HSPB7: variants seen among roughly 807,000 people sequenced by gnomAD.
HSPB7 encodes heat shock protein family B (small) member 7, also known as heat shock protein beta-7.
HSPB7 carries 9 observed loss-of-function variants against 11.0 expected under a neutral mutation model. The ratio of observed to expected loss-of-function variants is 0.82; its 90% CI spans 0.49 to 1.43. HSPB7 has a LOEUF of 1.43. Among genes scored for constraint, HSPB7 ranks in the 40% most tolerant of loss-of-function variants. The pLI, the probability that HSPB7 is intolerant of heterozygous loss-of-function variation, is 0.00. For missense variants in HSPB7, 246 were observed against 243.9 expected (o/e 1.01, Z -0.06); for synonymous variants, 102 against 101.6 (o/e 1.00, Z -0.02).
In HSPB7 at chr1:16,017,931, C is replaced by G; in HGVS notation, c.33G>C (p.Ala11=). Residue 11 remains alanine (A), a synonymous_variant, in exon 1 of 3, where the codon GCG becomes GCC. Coordinates refer to ENST00000311890, the MANE Select transcript of HSPB7 (RefSeq NM_014424.5). ...AGGAAGAGGAATGGAAACTTCTCTC[C>G]GCTCGGAAGGTGGAAGAGGTTCTGT... MSHRTSSTFR[A]ERSFHSSSSS... 6.2e-7 allele frequency: 1 copy of G among 1,613,404 alleles called. No individual in the cohort carries two copies. The highest frequency in any genetic ancestry group is 8.5e-7 in the Non-Finnish European group (1 of 1,179,674).
chr1:16,019,391 C>G, upstream of HSPB7: 1 of 1,506,000 alleles, frequency 6.6e-7, no homozygotes. Flanking sequence ...TTCCTGTGTG[C>G]TGTGACTCTC....
upstream of HSPB7, chr1:16,019,339 C>G: frequency 7.0e-7 from 1 of 1,435,734 alleles, no homozygotes; most frequent in African/African-American, 1.4e-5. Flanking sequence ...CCAGCACTGA[C>G]TGTCTTTGTC....
In HSPB7 at chr1:16,015,636, G is replaced by A. The variant is rs754084618; in HGVS notation, c.457C>T (p.Arg153Cys). The change falls in exon 3 of 3, where the codon CGT becomes TGT. Residue 153 changes from arginine to cysteine, a missense_variant. Arg to Cys is a radical substitution (Grantham distance 180). Transcript: ENST00000311890. This position sits in a 1 kb window ranked among gnomAD's most constrained non-coding sequence, Gnocchi z 4.9. ...EDGSLTIRAR[R>C]HPHTEHVQQT... ...TGGACGTGTTCTGTATGCGGGTGAC[G>A]CCGTGCCCGGATAGTGAGGCTGCCG... 9 of 1,613,872 alleles carry A rather than the reference G, an allele frequency of 5.6e-6. No individual in the cohort carries two copies. The African/African-American group carries it at 6.7e-5, about 12-fold the overall frequency.
In HSPB7 at chr1:16,015,452, A is replaced by G. The variant is rs1318918976; in HGVS notation, c.*128T>C. The stretch of plus-strand genomic sequence containing the variant: ...GGGCCCTAGTTTGGGAGGATGGTCC[A>G]CCTGGGGTCTGGGGTGCGTGGGGGC... On this transcript the variant is annotated 3_prime_UTR_variant, in exon 3 of 3. Coordinates refer to ENST00000311890, the MANE Select transcript of HSPB7 (RefSeq NM_014424.5). The surrounding 1 kb of genome is among the most constrained non-coding windows in gnomAD (Gnocchi z 4.9). 1.2e-6 allele frequency: 1 copy of G among 849,370 alleles called. No homozygotes were observed. The highest frequency in any genetic ancestry group is 1.9e-6 in the Non-Finnish European group (1 of 536,182). 52.6% of individuals were successfully genotyped at this position (849,370 alleles called of 1,614,324 possible).
upstream of HSPB7, chr1:16,019,000 C>A: frequency 1.0e-6 from 1 of 997,760 alleles, no homozygotes; most frequent in African/African-American, 1.6e-5. Flanking sequence ...GGGATTCGAA[C>A]CTAGATGTGT....
At chr1:16,019,054 C>T (rs913211372), upstream of HSPB7, 31 of 1,279,352 alleles carry the variant, frequency 2.4e-5, no homozygotes, top group Non-Finnish European at 3.1e-5. Context: ...TGAACATGTG[C>T]CTATGGAGAC....
upstream of HSPB7, chr1:16,018,860 A>C (rs992674972): frequency 7.7e-7 from 1 of 1,298,174 alleles, no homozygotes; most frequent in African/African-American, 1.5e-5. Context: ...TCCTGGCTGC[A>C]AGCTGTCCAG....
upstream of HSPB7, chr1:16,019,570 TA>T: frequency 2.4e-6 from 3 of 1,256,636 alleles, no homozygotes; most frequent in Admixed American, 2.4e-5. Flanking sequence ...ACAGGGGTAT[TA>T]GCGGTGCTGG....
At position 16,017,191 on chromosome 1, in the gene HSPB7, T is replaced by C. The variant is rs1372070665; in HGVS notation, c.216A>G (p.Ala72=). 1.2e-6 allele frequency: 2 copies of C among 1,613,200 alleles called. No homozygotes were observed. The highest frequency in any genetic ancestry group is 8.5e-7 in the Non-Finnish European group (1 of 1,179,276). Residue 72 remains alanine, a synonymous_variant, in exon 2 of 3, where the codon GCA becomes GCG. Coordinates refer to ENST00000311890, the MANE Select transcript of HSPB7 (RefSeq NM_014424.5). ...PLAFPARPGG[A]GNIKTLGDAY... ...CGTCTCCTAGGGTCTTGATGTTGCC[T>C]GCCCCACCGGGGCGGGCTGTGGGAT...
chr1:16,019,062 G>A, upstream of HSPB7: 1 of 1,336,038 alleles, frequency 7.5e-7, no homozygotes, highest in African/African-American at 1.5e-5. Context: ...TGCCTATGGA[G>A]ACAGGCTGGC....
chr1:16,017,406 G>A lies in HSPB7; in HGVS notation c.200-199C>T, dbSNP rs564021462. The A allele has an allele frequency of 3.1e-5, 20 of 654,902 alleles. 1 individual carries two copies. Among genetic ancestry groups the A allele is most frequent in the South Asian group, 2.7e-4 (13 of 48,930 alleles). The allele number at this position is 654,902 out of a possible 1,614,324, so 40.6% of individuals were successfully genotyped here. On this transcript the variant is annotated intron_variant, in intron 1 of 2. Transcript: ENST00000311890. ...TGGGGCCTCACCCAGCACAGTGTGTGTGTATATGAGGCTAGGTCTGTAACA... is the reference window on the plus strand; with the variant it reads ...TGGGGCCTCACCCAGCACAGTGTGTATGTATATGAGGCTAGGTCTGTAACA...
rs755240487 is a variant in HSPB7 at position 16,015,679 on chromosome 1, GGTCACCGACGTCGGGT to G, written c.398_413del (p.Asp133AlafsTer54). 1.2e-6 allele frequency: 2 copies of G among 1,613,430 alleles called. No homozygotes were observed. The highest frequency in any genetic ancestry group is 1.7e-6 in the Non-Finnish European group (2 of 1,179,728). On this transcript the variant is annotated frameshift_variant, in exon 3 of 3. Coordinates refer to ENST00000311890, the MANE Select transcript of HSPB7 (RefSeq NM_014424.5). LOFTEE classifies it high-confidence loss of function. This position sits in a 1 kb window ranked among gnomAD's most constrained non-coding sequence, Gnocchi z 4.9. The stretch of plus-strand genomic sequence containing the variant: ...GGCTGCCGTCCTCCCGCAGAGCCGA[GGTCACCGACGTCGGGT>G]CCACGTCCTCCGGCAGCTGGCACTT...
At chr1:16,016,002 G>A (rs2021690396) in intron 2 of HSPB7, among the ~76,000 whole-genome samples, 1 of 152,264 alleles carries the variant, frequency 6.6e-6, no homozygotes. Flanking sequence ...ACATGGGGAA[G>A]AGGTGGGGCT....
At position 16,017,132 on chromosome 1, in the gene HSPB7, G is replaced by A; in HGVS notation, c.275C>T (p.Ser92Leu). ...GGTGGTGACAATGATGTCTTCAGGT[G>A]AGAAGTCTCTCACGTCCACCGCAAA... The part of the protein sequence containing the change: ...YEFAVDVRDF[S>L]PEDIIVTTSN... The change falls in exon 2 of 3, where the codon TCA becomes TTA. Residue 92 changes from serine (S) to leucine (L), a missense_variant. Physicochemically the swap from Ser to Leu is moderately radical, Grantham distance 145. Transcript: ENST00000311890. The A allele has an allele frequency of 6.2e-7, 1 of 1,613,746 alleles. No individual in the cohort carries two copies. Among genetic ancestry groups the A allele is most frequent in the Non-Finnish European group, 8.5e-7 (1 of 1,179,702 alleles).
Position 16,015,686 on chromosome 1 carries a change from G to A in HSPB7, c.407C>T (p.Ser136Leu), listed in dbSNP as rs761248997. 1.2e-6 allele frequency: 2 copies of A among 1,613,202 alleles called. No individual in the cohort carries two copies. The highest frequency in any genetic ancestry group is 1.7e-6 in the Non-Finnish European group (2 of 1,179,608). Residue 136 changes from serine (S) to leucine (L), a missense_variant, in exon 3 of 3, where the codon TCG (serine) becomes TTG (leucine). Coordinates refer to ENST00000311890, the MANE Select transcript of HSPB7 (RefSeq NM_014424.5). The surrounding 1 kb of genome is among the most constrained non-coding windows in gnomAD (Gnocchi z 4.9). ...CQLPEDVDPT[S>L]VTSALREDGS... ...GTCCTCCCGCAGAGCCGAGGTCACC[G>A]ACGTCGGGTCCACGTCCTCCGGCAG...
chr1:16,016,211 T>C (rs1263516897), intron 2 of HSPB7, among the ~76,000 whole-genome samples: 1 of 152,182 alleles, frequency 6.6e-6, no homozygotes, highest in African/African-American at 2.4e-5. Flanking sequence ...GAGTCACTGT[T>C]GGGGGTGGCA....
chr1:16,018,993 A>G, upstream of HSPB7: 1 of 983,912 alleles, frequency 1.0e-6, no homozygotes, highest in South Asian at 1.7e-5. Flanking sequence ...CAGAGCTGGG[A>G]TTCGAACCTA....
chr1:16,015,898 G>A lies in HSPB7; in HGVS notation c.334-139C>T. ...CTCTGCCCTCAGGTGCCGAGGGGCT[G>A]CCCAGGGTGGTGATGGCCACAGGCC... On this transcript the variant is annotated intron_variant, in intron 2 of 2. Transcript: ENST00000311890. The surrounding 1 kb of genome is among the most constrained non-coding windows in gnomAD (Gnocchi z 4.9). The A allele has an allele frequency of 1.2e-6, 1 of 815,480 alleles. No homozygotes were observed. 50.5% of individuals were successfully genotyped at this position (815,480 alleles called of 1,614,324 possible).
At chr1:16,019,315 C>T (rs748144210), upstream of HSPB7, 38 of 1,430,160 alleles carry the variant, frequency 2.7e-5, no homozygotes, top group Non-Finnish European at 3.4e-5. Context: ...GGCCCACACC[C>T]AGTCCAGATG....
Sources: allele counts gnomAD v4.1 joint callset (sites outside exome capture counted in the v4.1 genomes callset), GRCh38; gene constraint gnomAD v4.1.1; non-coding constraint Gnocchi (gnomAD v3.1); transcripts MANE v1.5; gene names NCBI Gene and HGNC (gene_info 2026-07-23, HGNC 2026-07-21).